The following PLEKHM3 variants were observed in gnomAD, a reference collection of about 807,000 sequenced individuals.
PLEKHM3 encodes the protein pleckstrin homology domain containing M3.
A neutral mutation model predicts 81.8 loss-of-function variants in PLEKHM3; 45 were observed. The ratio of observed to expected loss-of-function variants is 0.55; its 90% confidence interval spans 0.43 to 0.71. PLEKHM3 has a LOEUF of 0.71. Ranked by LOEUF, PLEKHM3 falls within the 30% of genes least tolerant of loss-of-function variation. The probability of loss-of-function intolerance (pLI) is 0.00; values close to 1 mark genes in which losing one functional copy is unlikely to be tolerated. For synonymous variants in PLEKHM3, 352 were observed against 356.4 expected, an observed-to-expected ratio of 0.99 and a Z score of 0.14; for missense variants, 788 against 924.3, an observed-to-expected ratio of 0.85 and a Z score of 1.91.
At chr2:207,938,931 G>C (rs940383414) in intron 4 of PLEKHM3, among the ~76,000 whole-genome samples, 1 of 152,076 alleles carries the variant, frequency 6.6e-6, no homozygotes, top group Non-Finnish European at 1.5e-5. Context: ...AAACAGACTC[G>C]GATCTCCTCC....
intron 5 of PLEKHM3, among the ~76,000 whole-genome samples, chr2:207,919,261 C>A (rs949900353): frequency 3.3e-5 from 5 of 152,056 alleles, no homozygotes; most frequent in Non-Finnish European, 7.4e-5. Flanking sequence ...AACAAAAAGG[C>A]CAGTGTGACT....
intron 6 of PLEKHM3, among the ~76,000 whole-genome samples, chr2:207,873,469 C>A (rs2092545207): frequency 6.6e-6 from 1 of 152,286 alleles, no homozygotes; most frequent in East Asian, 1.9e-4. Flanking sequence ...AATTAACCAA[C>A]AAGGAAGACA....
rs143965553 is a variant in PLEKHM3 at position 207,861,684 on chromosome 2, A to G, written c.1951-422T>C. ...TGCAATAATACCTTTTCTCTGATGA[A>G]TTAATGGGATAGTTTTTTCACCATC... On this transcript the variant is annotated intron_variant, in intron 6 of 7. Transcript: ENST00000427836. 7.9e-5 allele frequency among the ~76,000 whole-genome samples: 12 copies of G among 152,306 alleles called. No homozygotes were observed. The East Asian group carries it at 2.1e-3, about 27-fold the overall frequency.
intron 6 of PLEKHM3, among the ~76,000 whole-genome samples, chr2:207,888,103 G>T (rs540193782): frequency 1.3e-5 from 2 of 151,896 alleles, no homozygotes; most frequent in Non-Finnish European, 2.9e-5. Context: ...TCTCCACCCA[G>T]TTCTGGCTCT....
chr2:208,005,499 T>C (rs1692466355), intron 1 of PLEKHM3, among the ~76,000 whole-genome samples: 1 of 152,166 alleles, frequency 6.6e-6, no homozygotes, highest in South Asian at 2.1e-4. Flanking sequence ...TCTGATGTTT[T>C]TCTCATTATT....
rs551081488 is a variant in PLEKHM3, at chr2:207,937,148, T to C, written c.1693-6029A>G. On this transcript the variant is annotated intron_variant, in intron 4 of 7. Transcript: ENST00000427836. Reference sequence around the variant, plus strand: ...TTTTGAACCTTGAACTTTCTGAAAGTATACTGTATTCAAAAAAGAAGAATG... The same window carrying C: ...TTTTGAACCTTGAACTTTCTGAAAGCATACTGTATTCAAAAAAGAAGAATG... 4.6e-5 allele frequency among the ~76,000 whole-genome samples: 7 copies of C among 152,290 alleles called. No homozygotes were observed. In the East Asian group the frequency reaches 1.3e-3, roughly 29 times the overall value.
chr2:207,880,492 G>A (rs368066413), intron 6 of PLEKHM3, among the ~76,000 whole-genome samples: 22 of 151,094 alleles, frequency 1.5e-4, no homozygotes, highest in South Asian at 6.2e-4. Context: ...GGCCGGGCGC[G>A]GTGGCTCACG....
At chr2:207,892,622 CCCTCATCCTAAGCAGCT>C (rs1688094620) in intron 6 of PLEKHM3, among the ~76,000 whole-genome samples, 1 of 152,172 alleles carries the variant, frequency 6.6e-6, no homozygotes, top group African/African-American at 2.4e-5. Context: ...AAGATTGCCT[CCCTCATCCTAAGCAGCT>C]GAATCAACTT....
At chr2:207,874,392 T>C (rs1272024891) in intron 6 of PLEKHM3, among the ~76,000 whole-genome samples, 1 of 151,902 alleles carries the variant, frequency 6.6e-6, no homozygotes, top group African/African-American at 2.4e-5. Context: ...CTGACCAAAA[T>C]GGACAAACCC....
chr2:207,923,906 T>TATATATATATATA (rs1491270678), intron 5 of PLEKHM3, among the ~76,000 whole-genome samples: 6 of 59,720 alleles, frequency 1.0e-4, no homozygotes, highest in African/African-American at 3.4e-4. Context: ...TATATATATA[T>TATATATATATATA]TTTTTTTTTT....
In PLEKHM3 at chr2:207,843,935, T is replaced by G. The variant is rs1195814952; in HGVS notation, c.2109-15439A>C. On this transcript the variant is annotated intron_variant, in intron 7 of 7. Coordinates refer to ENST00000427836, the MANE Select transcript of PLEKHM3 (RefSeq NM_001080475.3). The surrounding 1 kb of genome is among the most constrained non-coding windows in gnomAD (Gnocchi z 4.4). ...TGAGATCTTGTCTCCACAGATAAAT[T>G]AACCAAGCATGGTGGCGTGCATCTG... Among the ~76,000 whole-genome samples the G allele has an allele frequency of 2.6e-5, 4 of 151,870 alleles. No homozygotes were observed. Among genetic ancestry groups the G allele is most frequent in the African/African-American group, 9.7e-5 (4 of 41,316 alleles).
chr2:207,893,705 C>T (rs2105875990), intron 6 of PLEKHM3, among the ~76,000 whole-genome samples: 1 of 152,250 alleles, frequency 6.6e-6, no homozygotes, highest in South Asian at 2.1e-4. Context: ...AGCTCTCTCT[C>T]AAAAGTCCTT....
chr2:207,850,401 C>T (rs2092406196), intron 7 of PLEKHM3, among the ~76,000 whole-genome samples: 1 of 152,196 alleles, frequency 6.6e-6, no homozygotes, highest in South Asian at 2.1e-4. Context: ...CAATGTTCTT[C>T]ATAGTGAAAA....
intron 3 of PLEKHM3, among the ~76,000 whole-genome samples, chr2:207,966,818 G>A (rs1279600951): frequency 6.6e-6 from 1 of 152,138 alleles, no homozygotes; most frequent in Non-Finnish European, 1.5e-5. Context: ...CTCCCAAAGT[G>A]CTGGGATTAC....
intron 6 of PLEKHM3, among the ~76,000 whole-genome samples, chr2:207,907,916 T>C (rs1443012018): frequency 6.6e-6 from 1 of 152,224 alleles, no homozygotes; most frequent in Admixed American, 6.5e-5. Flanking sequence ...ATTCTAAACA[T>C]TTCATGTAAA....
Position 207,976,789 on chromosome 2 carries a change from T to C in PLEKHM3, c.1408A>G (p.Arg470Gly). 2.5e-6 allele frequency: 4 copies of C among 1,614,248 alleles called. No individual in the cohort carries two copies. Among genetic ancestry groups the C allele is most frequent in the Non-Finnish European group, 3.4e-6 (4 of 1,180,042 alleles). ...CCCATTTGATCCTTGGGTTTGTTCC[T>C]CAGTGTGACTTGCAGGTTTTGCTCT... ...SSEQNLQVTLRNKPKDQMGGH... is the reference protein window; with the variant it reads ...SSEQNLQVTLGNKPKDQMGGH... Residue 470 changes from arginine to glycine, a missense_variant, in exon 3 of 8, where the codon AGG becomes GGG. Transcript: ENST00000427836. This position sits in a 1 kb window ranked among gnomAD's most constrained non-coding sequence, Gnocchi z 4.1.
chr2:207,879,402 A>G (rs1010813759), intron 6 of PLEKHM3, among the ~76,000 whole-genome samples: 1 of 152,230 alleles, frequency 6.6e-6, no homozygotes, highest in African/African-American at 2.4e-5. Flanking sequence ...TTATGAACAG[A>G]TCACTTGTTA....
chr2:207,898,454 C>T (rs1309024131), intron 6 of PLEKHM3, among the ~76,000 whole-genome samples: 1 of 152,170 alleles, frequency 6.6e-6, no homozygotes, highest in Non-Finnish European at 1.5e-5. Flanking sequence ...AGAATTCCCT[C>T]CTTTAAAACG....
At chr2:208,021,477 A>C (rs1309352397) in intron 1 of PLEKHM3, among the ~76,000 whole-genome samples, 1 of 152,184 alleles carries the variant, frequency 6.6e-6, no homozygotes, top group African/African-American at 2.4e-5. Flanking sequence ...TGTTTTCTAT[A>C]TCTTGTTTTC....
Sources: allele counts gnomAD v4.1 joint callset (sites outside exome capture counted in the v4.1 genomes callset), GRCh38; gene constraint gnomAD v4.1.1; non-coding constraint Gnocchi (gnomAD v3.1); transcripts MANE v1.5; gene names NCBI Gene and HGNC (gene_info 2026-07-23, HGNC 2026-07-21).